OARD1: variants seen among roughly 807,000 people sequenced by gnomAD.
The protein encoded by OARD1 is ADP-ribose glycohydrolase OARD1.
OARD1 carries 19 observed loss-of-function variants against 19.7 expected under a neutral mutation model. The ratio of observed to expected loss-of-function variants is 0.96; its 90% CI spans 0.67 to 1.41. The LOEUF (loss-of-function observed/expected upper bound fraction) is 1.41. Ranked by LOEUF, OARD1 falls within the 40% of genes most tolerant of loss-of-function variation. OARD1 has a pLI of 0.00. For synonymous variants in OARD1, 70 were observed against 61.8 expected (o/e 1.13, Z -0.62); for missense variants, 190 against 183.8 (o/e 1.03, Z -0.20).
At chr6:41,071,736 T>C (rs972836536) in intron 1 of OARD1, 61 bp from the exon 2 acceptor site, 15 of 948,446 alleles carry the variant, frequency 1.6e-5, no homozygotes, top group Non-Finnish European at 2.6e-5. Context: ...ATATTCTGAT[T>C]GCCCTGTACA....
chr6:41,093,276 A>C (rs959095368), intron 1 of OARD1, among the ~76,000 whole-genome samples: 3 of 152,244 alleles, frequency 2.0e-5, no homozygotes, highest in African/African-American at 7.2e-5. Flanking sequence ...GAAAACAAAC[A>C]GTGGCTTAAA....
At chr6:41,071,922 C>T in intron 1 of OARD1, 1 of 449,018 alleles carries the variant, frequency 2.2e-6, no homozygotes, top group Non-Finnish European at 4.0e-6. Flanking sequence ...TCAGCGGAAG[C>T]AAAGCCCATC....
rs1170661940 is a variant in OARD1 at position 41,066,545 on chromosome 6, C to A, written c.*790G>T. The A allele has an allele frequency of 1.3e-5, 2 of 152,210 alleles. No homozygotes were observed. The highest frequency in any genetic ancestry group is 2.4e-5 in the African/African-American group (1 of 41,454). The allele number at this position is 152,210 out of a possible 1,614,324, so 9.4% of individuals were successfully genotyped here. A position where few individuals can be genotyped will look rare whatever the true frequency, so the allele number is the denominator to read the frequency against. Reference sequence around the variant, plus strand: ...GCCAGGCATTTAACATACATTATTTCACTTGTTTTCATGATTAAATTCAGG... The same window carrying A: ...GCCAGGCATTTAACATACATTATTTAACTTGTTTTCATGATTAAATTCAGG... On this transcript the variant is annotated 3_prime_UTR_variant, in exon 6 of 6. Coordinates refer to ENST00000424266, the MANE Select transcript of OARD1 (RefSeq NM_001329686.2).
Position 41,070,383 on chromosome 6 carries a change from A to G in OARD1, c.185-249T>C, listed in dbSNP as rs548177583. On this transcript the variant is annotated intron_variant, in intron 3 of 5. Transcript: ENST00000424266. ...CTCACAACCCATCTTTTGTACCACT[A>G]CTACTTTTAAATATATCCTCATTTG... 2.6e-5 allele frequency among the ~76,000 whole-genome samples: 4 copies of G among 152,168 alleles called. No individual in the cohort carries two copies. In the South Asian group the frequency reaches 8.3e-4, roughly 31 times the overall value.
chr6:41,065,608 A>G lies in OARD1; in HGVS notation c.*1727T>C, dbSNP rs1389772105. On this transcript the variant is annotated 3_prime_UTR_variant, in exon 6 of 6. Transcript: ENST00000424266. ...CCTCAATCTAAAAGTTTGATAATGA[A>G]CTTGACCCTCCACTGCCCCTACCCC... 1.3e-5 allele frequency: 2 copies of G among 152,348 alleles called. No homozygotes were observed. Among genetic ancestry groups the G allele is most frequent in the East Asian group, 3.8e-4 (2 of 5,196 alleles). The allele number at this position is 152,348 out of a possible 1,614,324, so 9.4% of individuals were successfully genotyped here. A position where few individuals can be genotyped will look rare whatever the true frequency, so the allele number is the denominator to read the frequency against.
At chr6:41,069,770 G>A in intron 4 of OARD1, 1 of 379,614 alleles carries the variant, frequency 2.6e-6, no homozygotes, top group East Asian at 6.2e-5. Context: ...ATCTCACTCT[G>A]CCTAGGAAAT....
chr6:41,071,603 C>A lies in OARD1; in HGVS notation c.32G>T (p.Gly11Val), dbSNP rs115107332. The A allele has an allele frequency of 1.2e-6, 2 of 1,613,216 alleles. No individual in the cohort carries two copies. Among genetic ancestry groups the A allele is most frequent in the African/African-American group, 2.7e-5 (2 of 75,038 alleles). ...TCAATAGTTGTTACGCACTCTGCTT[C>A]CTTCTGGATCTTCATTAAGGCTGCT... The part of the protein sequence containing the change: MASSLNEDPE[G>V]SRITYVKGDL... The change falls in exon 2 of 6, where the codon GGA becomes GTA. Residue 11 changes from glycine to valine, a missense_variant. Gly to Val is a moderately radical substitution (Grantham distance 109). Transcript: ENST00000424266.
rs773083175 is a variant in OARD1 at position 41,067,285 on chromosome 6, C to T, written c.*50G>A. On this transcript the variant is annotated 3_prime_UTR_variant, in exon 6 of 6. Coordinates refer to ENST00000424266, the MANE Select transcript of OARD1 (RefSeq NM_001329686.2). ...GGTAGGTTTGCCCGGTCCTATGGCC[C>T]AGTAGAGATGACACAGGAGAACACG... 1 of 1,222,596 alleles carries T rather than the reference C, an allele frequency of 8.2e-7. No homozygotes were observed. The highest frequency in any genetic ancestry group is 1.2e-5 in the South Asian group (1 of 81,584). The allele number at this position is 1,222,596 out of a possible 1,614,324, so 75.7% of individuals were successfully genotyped here.
intron 1 of OARD1, among the ~76,000 whole-genome samples, chr6:41,081,218 G>A (rs2235680): frequency 0.17 from 26,124 of 152,092 alleles, 2,699 homozygotes; most frequent in South Asian, 0.28. Context: ...GGCCGGGCGC[G>A]GTGGCTCACG....
At chr6:41,079,451 A>G (rs1763848521) in intron 1 of OARD1, among the ~76,000 whole-genome samples, 1 of 152,124 alleles carries the variant, frequency 6.6e-6, no homozygotes, top group Non-Finnish European at 1.5e-5. Flanking sequence ...TCTGGATTCT[A>G]TTTGGTCTTT....
At chr6:41,084,638 CAG>C (rs1763992715) in intron 1 of OARD1, among the ~76,000 whole-genome samples, 1 of 152,154 alleles carries the variant, frequency 6.6e-6, no homozygotes, top group Admixed American at 6.5e-5. Context: ...GATTGAGAAA[CAG>C]AAAACAAAAG....
At chr6:41,071,736 T>G (rs972836536) in intron 1 of OARD1, 61 bp from the exon 2 acceptor site, 2 of 948,446 alleles carry the variant, frequency 2.1e-6, no homozygotes, top group Admixed American at 1.8e-5. Flanking sequence ...ATATTCTGAT[T>G]GCCCTGTACA....
At position 41,071,175 on chromosome 6, in the gene OARD1, G is replaced by C. The variant is rs1463584251; in HGVS notation, c.141C>G (p.Leu47=). The C allele has an allele frequency of 7.4e-6, 12 of 1,614,086 alleles. No homozygotes were observed. In the Admixed American group the frequency reaches 1.2e-4, roughly 16 times the overall value. ...GCACCCCTCCAAATTTCTTCTTAAA[G>C]AGGACAGCTATCCCAGCGCCCATGC... ...DCRMGAGIAV[L]FKKKFGGVQE... is the part of the protein sequence containing the mutation. Residue 47 remains leucine, a synonymous_variant, in exon 3 of 6, where the codon CTC becomes CTG. Coordinates refer to ENST00000424266, the MANE Select transcript of OARD1 (RefSeq NM_001329686.2).
rs535838516 is a variant in OARD1, at chr6:41,071,693, G to A, written c.-41-18C>T. ...TTCTTCAGCTATGAGAAGGGAAAAG[G>A]AAGTAAAAATGCTTAGGCAGCCTTA... On this transcript the variant is annotated intron_variant, in intron 1 of 5. Transcript: ENST00000424266. 9.8e-5 allele frequency: 143 copies of A among 1,464,340 alleles called. No homozygotes were observed. Among genetic ancestry groups the A allele is most frequent in the Non-Finnish European group, 1.3e-4 (137 of 1,043,694 alleles). The allele number at this position is 1,464,340 out of a possible 1,614,324, so 90.7% of individuals were successfully genotyped here. A position where few individuals can be genotyped will look rare whatever the true frequency, so the allele number is the denominator to read the frequency against.
chr6:41,071,886 G>A (rs546893366), intron 1 of OARD1: 13 of 497,212 alleles, frequency 2.6e-5, no homozygotes, highest in South Asian at 6.0e-5. Flanking sequence ...CTCTCATTTC[G>A]TGCTTTCCTG....
At chr6:41,072,052 C>T (rs570881344) in intron 1 of OARD1, among the ~76,000 whole-genome samples, 184 bp downstream of exon 1, 163 of 152,338 alleles carry the variant, frequency 1.1e-3, no homozygotes, top group African/African-American at 3.8e-3. Flanking sequence ...TAGAAGAAAA[C>T]AGAAGGGACT....
chr6:41,084,599 A>T (rs1763991250), intron 1 of OARD1, among the ~76,000 whole-genome samples: 1 of 152,260 alleles, frequency 6.6e-6, no homozygotes, highest in African/African-American at 2.4e-5. Context: ...AAGCAGACCA[A>T]TAAAACAGGT....
intron 4 of OARD1, 166 bp downstream of exon 4, chr6:41,069,910 A>G (rs1050651023): frequency 2.9e-6 from 2 of 687,264 alleles, no homozygotes; most frequent in Admixed American, 5.0e-5. Context: ...AGTAGCCGCC[A>G]TCACTGGACT....
At chr6:41,093,574 G>A (rs1242176072) in intron 1 of OARD1, among the ~76,000 whole-genome samples, 1 of 151,858 alleles carries the variant, frequency 6.6e-6, no homozygotes, top group African/African-American at 2.4e-5. Flanking sequence ...ATGTTCAAGT[G>A]ATTCTCCTGC....
Sources: allele counts gnomAD v4.1 joint callset (sites outside exome capture counted in the v4.1 genomes callset), GRCh38; gene constraint gnomAD v4.1.1; transcripts MANE v1.5; gene names NCBI Gene and HGNC (gene_info 2026-07-23, HGNC 2026-07-21).